The following DACH2 variants were observed in gnomAD, a reference collection of about 807,000 sequenced individuals.
DACH2 encodes dachshund family transcription factor 2.
A neutral mutation model predicts 35.8 loss-of-function variants in DACH2; 17 were observed. That is an observed-to-expected ratio of 0.48 (90% CI 0.33 to 0.71). The LOEUF is 0.71. DACH2 is among the 30% of genes least tolerant of loss of function. The pLI is 0.02. For synonymous variants in DACH2, 195 were observed against 177.3 expected, an observed-to-expected ratio of 1.10 and a Z score of -0.79; for missense variants, 469 against 472.7, an observed-to-expected ratio of 0.99 and a Z score of 0.07.
chrX:86,639,952 C>T (rs920299103), intron 3 of DACH2, among the ~76,000 whole-genome samples: 1 of 111,358 alleles, frequency 9.0e-6, no homozygotes, highest in African/African-American at 3.3e-5. Context: ...GGAACAGCAA[C>T]AGGTTTGTAC....
chrX:86,176,195 G>A (rs2031296728), intron 1 of DACH2, among the ~76,000 whole-genome samples: 1 of 111,247 alleles, frequency 9.0e-6, no homozygotes, highest in East Asian at 2.8e-4. Flanking sequence ...CATTTAGGTA[G>A]AAAGAAGATA....
intron 3 of DACH2, among the ~76,000 whole-genome samples, chrX:86,564,997 A>G (rs1189938812): frequency 9.0e-6 from 1 of 111,395 alleles, no homozygotes. Context: ...CTATGTAGTC[A>G]GACACACAAA....
At chrX:86,455,300 G>T (rs2037454647) in intron 2 of DACH2, among the ~76,000 whole-genome samples, 1 of 111,292 alleles carries the variant, frequency 9.0e-6, no homozygotes, top group Non-Finnish European at 1.9e-5. Context: ...GCAATTTTTT[G>T]GTAGAGCAGG....
At chrX:86,368,872 A>G (rs1202632082) in intron 1 of DACH2, among the ~76,000 whole-genome samples, 1 of 111,420 alleles carries the variant, frequency 9.0e-6, no homozygotes, top group Non-Finnish European at 1.9e-5. Flanking sequence ...CATAAAAGTC[A>G]CATAGCTTAT....
chrX:86,255,543 A>G (rs1026445142), intron 1 of DACH2, among the ~76,000 whole-genome samples: 1 of 111,425 alleles, frequency 9.0e-6, no homozygotes, highest in Non-Finnish European at 1.9e-5. Flanking sequence ...ACTAGGCGAT[A>G]TTAGGCAAGA....
intron 3 of DACH2, among the ~76,000 whole-genome samples, chrX:86,552,891 A>C (rs2148313369): frequency 9.0e-6 from 1 of 111,452 alleles, no homozygotes; most frequent in Non-Finnish European, 1.9e-5. Context: ...AGTACATTTT[A>C]ATGACTAAAT....
At chrX:86,218,197 A>G (rs1331242438) in intron 1 of DACH2, among the ~76,000 whole-genome samples, 2 of 111,872 alleles carry the variant, frequency 1.8e-5, no homozygotes, top group Non-Finnish European at 3.8e-5. Flanking sequence ...GTGTAAAGCA[A>G]AGAAATCAAG....
At chrX:86,492,019 T>A (rs1173726098) in intron 2 of DACH2, among the ~76,000 whole-genome samples, 1 of 111,899 alleles carries the variant, frequency 8.9e-6, no homozygotes, top group Non-Finnish European at 1.9e-5. Flanking sequence ...AATATGAGAC[T>A]TATCCTCTTA....
chrX:86,268,671 A>G (rs1236201728), intron 1 of DACH2, among the ~76,000 whole-genome samples: 1 of 108,910 alleles, frequency 9.2e-6, no homozygotes, highest in East Asian at 2.9e-4. Context: ...AGTAGCTGGG[A>G]TTACAGGAGG....
At chrX:86,523,925 C>A (rs2148280573) in intron 3 of DACH2, among the ~76,000 whole-genome samples, 1 of 111,406 alleles carries the variant, frequency 9.0e-6, no homozygotes, top group Admixed American at 9.6e-5. Context: ...TCCCGTAATC[C>A]CAATCTTGTT....
chrX:86,399,263 G>A (rs1391609249), intron 2 of DACH2, among the ~76,000 whole-genome samples: 1 of 110,860 alleles, frequency 9.0e-6, no homozygotes, highest in Admixed American at 9.6e-5. Flanking sequence ...TTTATTTTGA[G>A]CCTATGTATG....
chrX:86,445,446 C>T (rs1177448021), intron 2 of DACH2, among the ~76,000 whole-genome samples: 45 of 87,720 alleles, frequency 5.1e-4, no homozygotes, highest in African/African-American at 1.9e-3. Context: ...CAGCATGGCA[C>T]ATGTATACAT....
At chrX:86,462,870 A>T (rs1394935778) in intron 2 of DACH2, among the ~76,000 whole-genome samples, 1 of 111,655 alleles carries the variant, frequency 9.0e-6, no homozygotes, top group African/African-American at 3.2e-5. Flanking sequence ...TGCTGTCTGC[A>T]TCTCTAGAAT....
intron 7 of DACH2, among the ~76,000 whole-genome samples, chrX:86,767,836 G>A (rs2041949525): frequency 8.9e-6 from 1 of 112,077 alleles, no homozygotes; most frequent in Non-Finnish European, 1.9e-5. Context: ...GAACCCAAGT[G>A]TTCCAAGTTC....
In DACH2 at chrX:86,568,732, A is replaced by G. The variant is rs894029679; in HGVS notation, c.640+54341A>G. 1.6e-4 allele frequency among the ~76,000 whole-genome samples: 18 copies of G among 111,518 alleles called. No homozygotes were observed. The Admixed American group carries it at 1.7e-3, about 11-fold the overall frequency. ...TTTGTGTTAGATTCCTGATGCACGAATGGGGCTGTGTAAAGCTATATGCTA... is the reference window on the plus strand; with the variant it reads ...TTTGTGTTAGATTCCTGATGCACGAGTGGGGCTGTGTAAAGCTATATGCTA... On this transcript the variant is annotated intron_variant, in intron 3 of 11. Transcript: ENST00000373125.
chrX:86,356,693 T>G (rs937875049), intron 1 of DACH2, among the ~76,000 whole-genome samples: 3 of 111,897 alleles, frequency 2.7e-5, no homozygotes, highest in Non-Finnish European at 5.6e-5. Flanking sequence ...ATTTTTATTT[T>G]TATTTTTTCA....
intron 2 of DACH2, among the ~76,000 whole-genome samples, chrX:86,428,986 T>C (rs902736166): frequency 9.0e-6 from 1 of 111,312 alleles, no homozygotes; most frequent in East Asian, 2.8e-4. Flanking sequence ...GAAGGGTAAA[T>C]TGGAGACTTA....
chrX:86,319,828 T>C (rs1417249068), intron 1 of DACH2, among the ~76,000 whole-genome samples: 1 of 112,108 alleles, frequency 8.9e-6, no homozygotes, highest in Non-Finnish European at 1.9e-5. Flanking sequence ...TCTTTTTAAA[T>C]AGACACTACA....
chrX:86,644,890 C>T (rs1298906389), intron 3 of DACH2, among the ~76,000 whole-genome samples: 1 of 110,722 alleles, frequency 9.0e-6, no homozygotes, highest in South Asian at 3.8e-4. Context: ...TGGACCCCTT[C>T]CTTAAAGCAT....
Sources: gnomAD v4.1 joint callset for allele counts (sites outside exome capture counted in the v4.1 genomes callset) on GRCh38, gnomAD v4.1.1 for gene constraint, MANE v1.5 for transcripts, NCBI Gene and HGNC (gene_info 2026-07-23, HGNC 2026-07-21) for gene names.